NHSL2: variants seen among roughly 807,000 people sequenced by gnomAD.
NHSL2 encodes the protein NHS like 2.
In NHSL2, 27 loss-of-function variants were observed where a neutral mutation model predicts 53.4. The ratio of observed to expected loss-of-function variants is 0.51; its 90% CI spans 0.37 to 0.70. The LOEUF is 0.70. Ranked by LOEUF, NHSL2 falls within the 30% of genes least tolerant of loss-of-function variation. The probability of loss-of-function intolerance (pLI) is 0.00; values close to 1 mark genes in which losing one functional copy is unlikely to be tolerated. For missense variants in NHSL2, 892 were observed against 980.1 expected, an observed-to-expected ratio of 0.91 and a Z score of 1.20; for synonymous variants, 408 against 404.1, an observed-to-expected ratio of 1.01 and a Z score of -0.12.
At chrX:72,005,239 T>C (rs780718459) in intron 1 of NHSL2, among the ~76,000 whole-genome samples, 12 of 112,537 alleles carry the variant, frequency 1.1e-4, no homozygotes, top group African/African-American at 3.9e-4. Context: ...AGTGCAGGCA[T>C]TACAGGCATG....
chrX:71,985,994 G>A (rs1200358669), intron 1 of NHSL2, among the ~76,000 whole-genome samples: 2 of 111,494 alleles, frequency 1.8e-5, no homozygotes, highest in African/African-American at 3.3e-5. Flanking sequence ...TTACCTCTAC[G>A]GCACACAATG....
intron 1 of NHSL2, among the ~76,000 whole-genome samples, chrX:72,075,225 A>G (rs889541722): frequency 2.7e-5 from 3 of 112,440 alleles, no homozygotes; most frequent in African/African-American, 6.5e-5. Flanking sequence ...TTCATCTGCA[A>G]TGTATGAATG....
intron 1 of NHSL2, among the ~76,000 whole-genome samples, chrX:72,093,276 C>A (rs913934204): frequency 5.3e-5 from 6 of 112,769 alleles, no homozygotes; most frequent in Non-Finnish European, 9.4e-5. Context: ...TTTATAAAGT[C>A]TGTCTCCTTA....
chrX:72,133,856 C>G (rs185460135), intron 2 of NHSL2: 11 of 338,669 alleles, frequency 3.2e-5, no homozygotes, highest in Non-Finnish European at 5.2e-5. Flanking sequence ...GGCTTGGTCC[C>G]CAAACCACCA....
At chrX:72,085,847 C>T (rs1451676626) in intron 1 of NHSL2, among the ~76,000 whole-genome samples, 1 of 108,938 alleles carries the variant, frequency 9.2e-6, no homozygotes, top group Non-Finnish European at 1.9e-5. Context: ...GTATGCTGCG[C>T]CCTCTCCCCC....
Position 71,911,006 on chromosome X carries a change from G to A in NHSL2, c.-82G>A, listed in dbSNP as rs945721321. On this transcript the variant is annotated 5_prime_UTR_variant, in exon 1 of 8. Transcript: ENST00000633930. The stretch of plus-strand genomic sequence containing the variant: ...ACCCGGAGCTGGGGCCGCCGCTCAG[G>A]GGCGCTCGGGCCAGGGGCGCTGCTC... The A allele has an allele frequency of 2.5e-6, 2 of 798,933 alleles. No individual in the cohort carries two copies. Among genetic ancestry groups the A allele is most frequent in the Non-Finnish European group, 3.2e-6 (2 of 634,721 alleles). 65.8% of individuals were successfully genotyped at this position (798,933 alleles called of 1,213,427 possible).
intron 1 of NHSL2, among the ~76,000 whole-genome samples, chrX:71,959,485 T>C (rs1307974814): frequency 5.3e-5 from 6 of 112,331 alleles, no homozygotes; most frequent in Admixed American, 9.4e-5. Context: ...AGTTCACCCA[T>C]TTAAAGTGTA....
chrX:72,135,280 A>AG (rs2147519455), intron 4 of NHSL2, among the ~76,000 whole-genome samples: 1 of 111,996 alleles, frequency 8.9e-6, no homozygotes, highest in South Asian at 3.8e-4. Context: ...AAAGACCAAA[A>AG]GGGGACCCAG....
At position 71,918,618 on chromosome X, in the gene NHSL2, C is replaced by T. The variant is rs757675857; in HGVS notation, c.280+7251C>T. ...GGGGGCTGAGGGGGAGGGCAGTTCTCTGCCCTTGCAGGAGGTGGTATCTCC... is the reference window on the plus strand; with the variant it reads ...GGGGGCTGAGGGGGAGGGCAGTTCTTTGCCCTTGCAGGAGGTGGTATCTCC... On this transcript the variant is annotated intron_variant, in intron 1 of 7. Transcript: ENST00000633930. 7.3e-4 allele frequency among the ~76,000 whole-genome samples: 82 copies of T among 111,734 alleles called. 1 individual carries two copies. Among genetic ancestry groups the T allele is most frequent in the African/African-American group, 2.6e-3 (79 of 30,733 alleles).
At position 72,146,587 on chromosome X, in the gene NHSL2, C is replaced by CT. The variant is rs1309839002; in HGVS notation, c.*3019dup. On this transcript the variant is annotated 3_prime_UTR_variant, in exon 8 of 8. Coordinates refer to ENST00000633930, the MANE Select transcript of NHSL2 (RefSeq NM_001013627.3). ...TTCCATTTCAAGTCGTCCCTATCCT[C>CT]TTTTTTCCTCCCCATTCCAGTTAGT... 1.8e-5 allele frequency: 2 copies of CT among 112,220 alleles called. No homozygotes were observed. Among genetic ancestry groups the CT allele is most frequent in the African/African-American group, 6.5e-5 (2 of 30,815 alleles). 9.2% of individuals were successfully genotyped at this position (112,220 alleles called of 1,213,427 possible).
chrX:72,118,232 G>C (rs1057145868), intron 1 of NHSL2, among the ~76,000 whole-genome samples: 3 of 111,708 alleles, frequency 2.7e-5, no homozygotes, highest in African/African-American at 9.8e-5. Context: ...ATGATGTCGA[G>C]CATCTTTTCA....
chrX:72,013,536 C>CT (rs60217492), intron 1 of NHSL2, among the ~76,000 whole-genome samples: 3,026 of 96,709 alleles, frequency 0.031, 117 homozygotes, highest in African/African-American at 0.1. Context: ...CTTTTTTCTT[C>CT]TTTTTTTTTT....
intron 1 of NHSL2, among the ~76,000 whole-genome samples, chrX:71,991,817 T>TC (rs1186308804): frequency 8.4e-4 from 51 of 60,824 alleles, no homozygotes; most frequent in African/African-American, 2.3e-3. Context: ...TGTCTTTCTC[T>TC]TTCTCTCTCT....
chrX:71,981,765 A>C (rs1281491864), intron 1 of NHSL2, among the ~76,000 whole-genome samples: 1 of 112,016 alleles, frequency 8.9e-6, no homozygotes, highest in South Asian at 3.7e-4. Flanking sequence ...AAATCAAACC[A>C]CATGAGATCC....
intron 1 of NHSL2, among the ~76,000 whole-genome samples, chrX:72,040,404 T>C (rs1404024751): frequency 8.9e-6 from 1 of 112,669 alleles, no homozygotes; most frequent in African/African-American, 3.2e-5. Context: ...AGGTACCTTG[T>C]TTAATCCTCA....
At chrX:72,138,332 C>A in intron 5 of NHSL2, 109 bp from the exon 6 acceptor site, 1 of 578,994 alleles carries the variant, frequency 1.7e-6, no homozygotes, top group Non-Finnish European at 2.7e-6. Context: ...GGAATTCTGA[C>A]CAAGCTGTTG....
chrX:71,917,450 T>G (rs2041634240), intron 1 of NHSL2, among the ~76,000 whole-genome samples: 1 of 110,521 alleles, frequency 9.0e-6, no homozygotes, highest in East Asian at 2.8e-4. Flanking sequence ...TAAATACCTG[T>G]TAGATTGAAT....
chrX:72,096,066 C>T (rs2041941402), intron 1 of NHSL2, among the ~76,000 whole-genome samples: 1 of 109,007 alleles, frequency 9.2e-6, no homozygotes, highest in Admixed American at 9.9e-5. Context: ...CAAAGATCTC[C>T]TCATCCGAGG....
intron 1 of NHSL2, among the ~76,000 whole-genome samples, chrX:71,982,414 C>A (rs1370762838): frequency 8.9e-6 from 1 of 111,878 alleles, no homozygotes; most frequent in Non-Finnish European, 1.9e-5. Context: ...CATTTCCTGG[C>A]ATACAACTCC....
Sources: gnomAD v4.1 joint callset for allele counts (sites outside exome capture counted in the v4.1 genomes callset) on GRCh38, gnomAD v4.1.1 for gene constraint, MANE v1.5 for transcripts, NCBI Gene and HGNC (gene_info 2026-07-23, HGNC 2026-07-21) for gene names.